Variants in ZMYM4 observed in about 807,000 individuals in gnomAD.
The protein encoded by ZMYM4 is zinc finger MYM-type containing 4, also known as zinc finger MYM-type protein 4.
Under a neutral mutation model 183.2 loss-of-function variants are expected in ZMYM4, and 31 were observed. The observed-to-expected ratio is 0.17, with a 90% CI of 0.13 to 0.23. The LOEUF (loss-of-function observed/expected upper bound fraction) is 0.23. ZMYM4 is among the 10% of genes least tolerant of loss of function. The pLI, the probability that ZMYM4 is intolerant of heterozygous loss-of-function variation, is 1.00. For synonymous variants in ZMYM4, 592 were observed against 631.2 expected, an observed-to-expected ratio of 0.94 and a Z score of 0.93; for missense variants, 1,273 against 1,840.3, an observed-to-expected ratio of 0.69 and a Z score of 5.64.
At chr1:35,393,024 C>T (rs1162107912) in intron 17 of ZMYM4, among the ~76,000 whole-genome samples, 1 of 152,086 alleles carries the variant, frequency 6.6e-6, no homozygotes, top group African/African-American at 2.4e-5. Context: ...GCTTATCCTC[C>T]CTCTGACCCA....
intron 1 of ZMYM4, among the ~76,000 whole-genome samples, chr1:35,274,510 C>T (rs1639769934): frequency 1.3e-5 from 2 of 150,796 alleles, no homozygotes; most frequent in Admixed American, 6.7e-5. Flanking sequence ...GGGAGGATTG[C>T]TTGGAGGATT....
intron 26 of ZMYM4, among the ~76,000 whole-genome samples, chr1:35,412,428 C>T (rs1159282055): frequency 6.6e-6 from 1 of 152,040 alleles, no homozygotes; most frequent in Non-Finnish European, 1.5e-5. Flanking sequence ...TGCTAGGATT[C>T]GCGGTACAGT....
intron 29 of ZMYM4, among the ~76,000 whole-genome samples, chr1:35,418,825 C>T (rs1640223661): frequency 6.6e-6 from 1 of 152,170 alleles, no homozygotes; most frequent in South Asian, 2.1e-4. Flanking sequence ...AACTGTTGTA[C>T]AACCTTTATG....
At position 35,361,661 on chromosome 1, in the gene ZMYM4, G is replaced by A; in HGVS notation, c.712G>A (p.Glu238Lys). The change falls in exon 5 of 30, where the codon GAA (glutamate) becomes AAA (lysine). Residue 238 changes from glutamate (E) to lysine (K), a missense_variant. Glu to Lys is a moderately conservative substitution (Grantham distance 56, BLOSUM62 1). This residue lies in a region of ZMYM4 where 384 missense variants were observed against 465.6 expected (regional missense o/e 0.82). Coordinates refer to ENST00000314607, the MANE Select transcript of ZMYM4 (RefSeq NM_005095.3). ...PFANKESIGS[E>K]LGNSFASNIR... ...TGCCAATAAAGAATCCATTGGTTCGGAACTGGGGAATTCCTTTGCATCAAA... is the reference window on the plus strand; with the variant it reads ...TGCCAATAAAGAATCCATTGGTTCGAAACTGGGGAATTCCTTTGCATCAAA... 6.2e-7 allele frequency: 1 copy of A among 1,613,674 alleles called. No homozygotes were observed. Among genetic ancestry groups the A allele is most frequent in the Non-Finnish European group, 8.5e-7 (1 of 1,179,796 alleles).
intron 2 of ZMYM4, among the ~76,000 whole-genome samples, chr1:35,358,219 T>C (rs1438725803): frequency 1.3e-5 from 2 of 152,132 alleles, no homozygotes; most frequent in South Asian, 2.1e-4. Flanking sequence ...ATGAGGGCAT[T>C]GTAGGGTTAG....
At chr1:35,361,957 A>G (rs1209597932) in intron 5 of ZMYM4, among the ~76,000 whole-genome samples, 168 bp downstream of exon 5, 2 of 152,250 alleles carry the variant, frequency 1.3e-5, no homozygotes, top group East Asian at 1.9e-4. Context: ...AACGAGCTAT[A>G]TGAAACTTTT....
At chr1:35,401,802 C>T (rs1299156798) in intron 23 of ZMYM4, among the ~76,000 whole-genome samples, 3 of 152,062 alleles carry the variant, frequency 2.0e-5, no homozygotes, top group African/African-American at 7.2e-5. Context: ...AGACAAGGGT[C>T]AAGGTTCATT....
intron 19 of ZMYM4, chr1:35,397,154 G>C (rs1644823471): frequency 9.0e-7 from 1 of 1,110,656 alleles, no homozygotes; most frequent in Admixed American, 4.6e-5. Context: ...TTCTTTTAGA[G>C]GATTCAGAGA....
intron 2 of ZMYM4, among the ~76,000 whole-genome samples, chr1:35,328,174 G>T (rs1239546276): frequency 2.0e-5 from 3 of 152,162 alleles, no homozygotes; most frequent in Non-Finnish European, 4.4e-5. Context: ...TGTACTTGGA[G>T]TTCTACACCC....
intron 7 of ZMYM4, among the ~76,000 whole-genome samples, chr1:35,378,035 A>G (rs1194283774): frequency 1.3e-5 from 2 of 152,232 alleles, no homozygotes; most frequent in Non-Finnish European, 2.9e-5. Flanking sequence ...CAGCATCTGC[A>G]CCAGGAGTAA....
At chr1:35,379,250 G>A (rs1438855240) in intron 7 of ZMYM4, among the ~76,000 whole-genome samples, 3 of 151,936 alleles carry the variant, frequency 2.0e-5, no homozygotes, top group African/African-American at 4.8e-5. Flanking sequence ...ACAGTCACGC[G>A]CCACCACGCC....
At chr1:35,408,647 G>A (rs1395260466) in intron 26 of ZMYM4, among the ~76,000 whole-genome samples, 1 of 152,144 alleles carries the variant, frequency 6.6e-6, no homozygotes, top group East Asian at 1.9e-4. Flanking sequence ...GGAGGCAGGA[G>A]GATCACCTCA....
At chr1:35,368,727 ATAT>A (rs1644144662) in intron 5 of ZMYM4, among the ~76,000 whole-genome samples, 1 of 152,206 alleles carries the variant, frequency 6.6e-6, no homozygotes, top group Non-Finnish European at 1.5e-5. Context: ...GGGAGTATGA[ATAT>A]TCACAGAGAT....
chr1:35,403,538 G>A (rs1465567703), intron 23 of ZMYM4, among the ~76,000 whole-genome samples: 11 of 151,994 alleles, frequency 7.2e-5, no homozygotes, highest in Admixed American at 3.9e-4. Context: ...CACCCACCTC[G>A]CCCTCCCAAA....
intron 1 of ZMYM4, among the ~76,000 whole-genome samples, chr1:35,323,121 C>T (rs1011330516): frequency 2.0e-5 from 3 of 151,926 alleles, no homozygotes; most frequent in Non-Finnish European, 4.4e-5. Context: ...TGCCTCGCAG[C>T]CTCCCAAGTA....
chr1:35,278,510 C>G (rs1180078768), intron 1 of ZMYM4, among the ~76,000 whole-genome samples: 2 of 151,050 alleles, frequency 1.3e-5, no homozygotes, highest in Non-Finnish European at 2.9e-5. Flanking sequence ...ACTGCAACCT[C>G]TGCCTCCTGG....
At chr1:35,381,509 G>T in intron 8 of ZMYM4, 37 bp from the exon 9 acceptor site, 1 of 1,613,284 alleles carries the variant, frequency 6.2e-7, no homozygotes, top group Non-Finnish European at 8.5e-7. Flanking sequence ...GATGCTCTCT[G>T]CTCCTTGTTT....
rs1640083384 is a variant in ZMYM4 at position 35,415,621 on chromosome 1, C to T, written c.4216C>T (p.His1406Tyr). ...TGAGCACTTGAAGCTTTCCTTTGCC[C>T]ATGTGATGAGACGGACCAGGACTCT... Reference protein sequence around the residue: ...VTEHLKLSFAHVMRRTRTLKY... With the variant: ...VTEHLKLSFAYVMRRTRTLKY... Residue 1406 changes from histidine (H) to tyrosine (Y), a missense_variant, in exon 28 of 30, where the codon CAT (histidine) becomes TAT (tyrosine). Coordinates refer to ENST00000314607, the MANE Select transcript of ZMYM4 (RefSeq NM_005095.3). The T allele has an allele frequency of 6.2e-7, 1 of 1,614,020 alleles. No individual in the cohort carries two copies. The highest frequency in any genetic ancestry group is 8.5e-7 in the Non-Finnish European group (1 of 1,180,046).
At chr1:35,337,728 T>C (rs1242942145) in intron 2 of ZMYM4, among the ~76,000 whole-genome samples, 1 of 152,040 alleles carries the variant, frequency 6.6e-6, no homozygotes, top group Non-Finnish European at 1.5e-5. Flanking sequence ...GTGGATCACC[T>C]GAGGTCAGGA....
Sources: allele counts gnomAD v4.1 joint callset (sites outside exome capture counted in the v4.1 genomes callset), GRCh38; gene constraint gnomAD v4.1.1; regional missense constraint gnomAD v4.1.1; transcripts MANE v1.5; gene names NCBI Gene and HGNC (gene_info 2026-07-23, HGNC 2026-07-21).